GFM1: variants seen among roughly 807,000 people sequenced by gnomAD.
The protein encoded by GFM1 is elongation factor G, mitochondrial.
GFM1 carries 62 observed loss-of-function variants against 96.2 expected under a neutral mutation model. That is an observed-to-expected ratio of 0.64 (90% confidence interval 0.53 to 0.80). GFM1 has a LOEUF of 0.80. Among genes scored for constraint, GFM1 ranks in the 30% least tolerant of loss-of-function variants. The pLI, the probability that GFM1 is intolerant of heterozygous loss-of-function variation, is 0.00. For synonymous variants in GFM1, 282 were observed against 312.9 expected (o/e 0.90, Z 1.04); for missense variants, 852 against 916.6 (o/e 0.93, Z 0.91).
At chr3:158,674,038 A>G (rs1176903399) in intron 13 of GFM1, among the ~76,000 whole-genome samples, 1 of 149,714 alleles carries the variant, frequency 6.7e-6, no homozygotes, top group African/African-American at 2.5e-5. Context: ...TTGTCCGTGT[A>G]TGAGAAATTT....
chr3:158,658,165 T>C (rs1722918062), intron 8 of GFM1, among the ~76,000 whole-genome samples: 1 of 143,930 alleles, frequency 6.9e-6, no homozygotes, highest in Non-Finnish European at 1.5e-5. Context: ...CTCTTTTTTT[T>C]TTTTTTTTTT....
intron 15 of GFM1, among the ~76,000 whole-genome samples, chr3:158,689,893 AC>A (rs1271672243): frequency 1.3e-5 from 2 of 152,110 alleles, no homozygotes; most frequent in African/African-American, 4.8e-5. Flanking sequence ...TTGTTTTAAG[AC>A]CCTTTTGTAT....
intron 6 of GFM1, 123 bp downstream of exon 6, chr3:158,652,369 A>G: frequency 1.2e-6 from 1 of 831,400 alleles, no homozygotes; most frequent in Non-Finnish European, 1.9e-6. Context: ...CATTTATTTA[A>G]CATAATTGGC....
rs115108034 is a variant in GFM1 at position 158,671,006 on chromosome 3, C to T, written c.1601+4620C>T. On this transcript the variant is annotated intron_variant, in intron 13 of 17. Coordinates refer to ENST00000486715, the MANE Select transcript of GFM1 (RefSeq NM_024996.7). Reference sequence around the variant, plus strand: ...AAATTTAAGGTGATACTTATGTCCTCTTCCTGGAATATCCTAAAATTAAGA... The same window carrying T: ...AAATTTAAGGTGATACTTATGTCCTTTTCCTGGAATATCCTAAAATTAAGA... The T allele has an allele frequency of 6.3e-3, 9,698 of 1,531,514 alleles. 58 individuals are homozygous for T. The highest frequency in any genetic ancestry group is 6.6e-3 in the Non-Finnish European group (7,572 of 1,143,108). 94.9% of individuals were successfully genotyped at this position (1,531,514 alleles called of 1,614,324 possible).
At chr3:158,650,524 A>G (rs1722204254) in intron 5 of GFM1, 1 of 159,968 alleles carries the variant, frequency 6.3e-6, no homozygotes. Flanking sequence ...TGTATTTGGA[A>G]AGGAATCCAC....
At chr3:158,674,494 C>T (rs1174297101) in intron 13 of GFM1, among the ~76,000 whole-genome samples, 1 of 152,018 alleles carries the variant, frequency 6.6e-6, no homozygotes, top group East Asian at 1.9e-4. Flanking sequence ...ATAAATTTAC[C>T]AAAGAATTGG....
chr3:158,668,408 G>A (rs886346196), intron 13 of GFM1, among the ~76,000 whole-genome samples: 2 of 151,830 alleles, frequency 1.3e-5, no homozygotes, highest in East Asian at 1.9e-4. Context: ...TTTGATTCTC[G>A]GTTGTTTGTA....
chr3:158,662,333 C>T (rs1723260112), intron 10 of GFM1, among the ~76,000 whole-genome samples: 1 of 152,104 alleles, frequency 6.6e-6, no homozygotes. Flanking sequence ...TTTCACATCT[C>T]AGTATTTGGA....
intron 15 of GFM1, among the ~76,000 whole-genome samples, chr3:158,687,092 T>G (rs911780076): frequency 2.0e-5 from 3 of 152,036 alleles, no homozygotes; most frequent in African/African-American, 7.2e-5. Flanking sequence ...AACCTCGAAT[T>G]CCTGGGCTCA....
intron 13 of GFM1, among the ~76,000 whole-genome samples, chr3:158,678,217 A>G (rs1213075579): frequency 6.6e-6 from 1 of 152,214 alleles, no homozygotes; most frequent in Non-Finnish European, 1.5e-5. Flanking sequence ...TGTTGTTTCC[A>G]TGCCCGCCAA....
Position 158,682,011 on chromosome 3 carries a change from A to G in GFM1, c.1618A>G (p.Lys540Glu). The G allele has an allele frequency of 6.2e-7, 1 of 1,613,276 alleles. No individual in the cohort carries two copies. Among genetic ancestry groups the G allele is most frequent in the Non-Finnish European group, 8.5e-7 (1 of 1,179,540 alleles). Residue 540 changes from lysine to glutamate, a missense_variant, in exon 14 of 18, where the codon AAA (lysine) becomes GAA (glutamate). Coordinates refer to ENST00000486715, the MANE Select transcript of GFM1 (RefSeq NM_024996.7). ...CACTTTCAGGTTTGACTTTACACAT[A>G]AAAAACAATCAGGTGGTGCAGGCCA... is the stretch of plus-strand genomic sequence containing the variant. ...TAPVPFDFTH[K>E]KQSGGAGQYG...
chr3:158,677,102 T>A (rs1215038008), intron 13 of GFM1, among the ~76,000 whole-genome samples: 5 of 152,206 alleles, frequency 3.3e-5, no homozygotes, highest in African/African-American at 9.6e-5. Flanking sequence ...TTATATCTGT[T>A]ATGGTGATCT....
At chr3:158,690,651 A>G (rs1726232939) in intron 16 of GFM1, 1 of 348,000 alleles carries the variant, frequency 2.9e-6, no homozygotes, top group South Asian at 2.8e-5. Flanking sequence ...TATTTGCATA[A>G]TTACTTTATT....
At chr3:158,651,040 A>G (rs1722259799) in intron 5 of GFM1, 1 of 151,684 alleles carries the variant, frequency 6.6e-6, no homozygotes, top group East Asian at 1.9e-4. Context: ...AAAAAAAAAA[A>G]AAAAAGAAAT....
At chr3:158,664,188 T>C (rs1205182338) in intron 11 of GFM1, among the ~76,000 whole-genome samples, 1 of 152,208 alleles carries the variant, frequency 6.6e-6, no homozygotes, top group Admixed American at 6.5e-5. Flanking sequence ...GCTGTTAATA[T>C]TGGTTGTACT....
chr3:158,652,105 T>C lies in GFM1; in HGVS notation c.699T>C (p.Val233=), dbSNP rs2108016675. ...IYFDGDFGQI[V]RYGEIPAELR... is the part of the protein sequence containing the mutation. ...ATATTTGCTTTCTTAGTCAGATTGT[T>C]CGATATGGTGAGATTCCAGCTGAAT... is the stretch of plus-strand genomic sequence containing the variant. Residue 233 remains valine (V), a synonymous_variant, in exon 6 of 18, where the codon GTT becomes GTC. Transcript: ENST00000486715. 2 of 1,614,120 alleles carry C rather than the reference T, an allele frequency of 1.2e-6. No individual in the cohort carries two copies. The highest frequency in any genetic ancestry group is 1.7e-6 in the Non-Finnish European group (2 of 1,179,970).
chr3:158,683,208 TCA>T (rs1725560793), intron 14 of GFM1, among the ~76,000 whole-genome samples: 1 of 152,206 alleles, frequency 6.6e-6, no homozygotes, highest in Non-Finnish European at 1.5e-5. Context: ...ATTTTGTGAT[TCA>T]CACACTTTAA....
At chr3:158,671,039 G>A in intron 13 of GFM1, 4 of 1,503,532 alleles carry the variant, frequency 2.7e-6, no homozygotes, top group Non-Finnish European at 3.5e-6. Flanking sequence ...AGAAAATGTA[G>A]TGGAGACAAG....
chr3:158,674,931 A>C lies in GFM1; in HGVS notation c.1602-7064A>C, dbSNP rs147372300. ...CTAAGAAAAAAATCATTGTGCTTTA[A>C]AAAATGTGTAAAAATTAATGTGGTC... On this transcript the variant is annotated intron_variant, in intron 13 of 17. Transcript: ENST00000486715. Among the ~76,000 whole-genome samples, 54 of 152,334 alleles carry C rather than the reference A, an allele frequency of 3.5e-4. 1 individual carries two copies. The East Asian group carries it at 9.1e-3, about 26-fold the overall frequency.
Sources: allele counts gnomAD v4.1 joint callset (sites outside exome capture counted in the v4.1 genomes callset), GRCh38; gene constraint gnomAD v4.1.1; transcripts MANE v1.5; gene names NCBI Gene and HGNC (gene_info 2026-07-23, HGNC 2026-07-21).